DNA2: variants seen among roughly 807,000 people sequenced by gnomAD.
The protein encoded by DNA2 is DNA replication helicase/nuclease 2, also known as DNA replication ATP-dependent helicase/nuclease DNA2.
A neutral mutation model predicts 119.1 loss-of-function variants in DNA2; 101 were observed. The ratio of observed to expected loss-of-function variants is 0.85; its 90% CI spans 0.72 to 1.00. DNA2 has a LOEUF of 1.00. Among genes scored for constraint, DNA2 ranks in the 50% least tolerant of loss-of-function variants. The pLI is 0.00. For synonymous variants in DNA2, 366 were observed against 424.4 expected, an observed-to-expected ratio of 0.86 and a Z score of 1.69; for missense variants, 1,121 against 1,255.5, an observed-to-expected ratio of 0.89 and a Z score of 1.62.
intron 14 of DNA2, among the ~76,000 whole-genome samples, chr10:68,427,861 G>A (rs1327669160): frequency 2.6e-5 from 4 of 151,708 alleles, no homozygotes; most frequent in Non-Finnish European, 5.9e-5. Flanking sequence ...GTGAAACCTC[G>A]TCACTACTAA....
chr10:68,437,345 T>G, intron 9 of DNA2, 104 bp from the exon 10 acceptor site: 1 of 1,010,446 alleles, frequency 9.9e-7, no homozygotes, highest in Non-Finnish European at 1.4e-6. Context: ...TCCTAAAAAT[T>G]ATTATTGAGG....
rs981583847 is a variant in DNA2, at chr10:68,414,106, A to G, written c.*933T>C. 1 of 151,028 alleles carries G rather than the reference A, an allele frequency of 6.6e-6. No homozygotes were observed. The highest frequency in any genetic ancestry group is 2.2e-4 in the South Asian group (1 of 4,610). 9.4% of individuals were successfully genotyped at this position (151,028 alleles called of 1,614,324 possible). ...TTTATTAAATAAAAAACTTCAAGTA[A>G]TAATTTAAAAAAACACATGAGGTAG... On this transcript the variant is annotated 3_prime_UTR_variant, in exon 21 of 21. Coordinates refer to ENST00000358410, the MANE Select transcript of DNA2 (RefSeq NM_001080449.3).
rs200190055 is a variant in DNA2 at position 68,421,819 on chromosome 10, T to TC, written c.2697+405_2697+406insG. On this transcript the variant is annotated intron_variant, in intron 17 of 20. Transcript: ENST00000358410. ...ATGAGAAGTACATTAGTTTTGCCTT[T>TC]TTTTTTCCCCCCAAGATGGGAGTCT... is the stretch of plus-strand genomic sequence containing the variant. 9.3e-3 allele frequency among the ~76,000 whole-genome samples: 1,298 copies of TC among 138,954 alleles called. 24 individuals carry two copies. The highest frequency in any genetic ancestry group is 0.037 in the African/African-American group (1,250 of 33,660). 91.2% of individuals were successfully genotyped at this position (138,954 alleles called of 152,430 possible). A position where few individuals can be genotyped will look rare whatever the true frequency, so the allele number is the denominator to read the frequency against.
chr10:68,460,030 T>TACAAACACACACACACACACACAC (rs1554909244), intron 4 of DNA2, among the ~76,000 whole-genome samples: 1 of 145,602 alleles, frequency 6.9e-6, no homozygotes, highest in African/African-American at 2.5e-5. Context: ...CCATCACAAA[T>TACAAACACACACACACACACACAC]ACACACACAC....
chr10:68,425,098 T>TC (rs1211936696), intron 14 of DNA2: 1 of 295,518 alleles, frequency 3.4e-6, no homozygotes, highest in East Asian at 8.5e-5. Flanking sequence ...CTTTTTTTTT[T>TC]TTTTTTTTTT....
intron 5 of DNA2, among the ~76,000 whole-genome samples, chr10:68,457,061 G>C (rs567383860): frequency 9.2e-5 from 14 of 151,690 alleles, no homozygotes; most frequent in Middle Eastern, 3.4e-3. Context: ...GTGAACCCGG[G>C]AGGCGGAGGT....
At chr10:68,441,591 G>A (rs1271400798) in intron 9 of DNA2, among the ~76,000 whole-genome samples, 2 of 152,020 alleles carry the variant, frequency 1.3e-5, no homozygotes, top group Non-Finnish European at 2.9e-5. Flanking sequence ...GCCTGGCCAA[G>A]ATGGTGAAAC....
At chr10:68,439,693 CT>C in intron 9 of DNA2, among the ~76,000 whole-genome samples, 1 of 152,026 alleles carries the variant, frequency 6.6e-6, no homozygotes. Flanking sequence ...CAAAATTAGC[CT>C]GGCGTGGTGG....
intron 5 of DNA2, among the ~76,000 whole-genome samples, chr10:68,456,750 A>T (rs1002772868): frequency 6.6e-6 from 1 of 151,980 alleles, no homozygotes; most frequent in African/African-American, 2.4e-5. Context: ...AAATGTTATA[A>T]AATATTGAAA....
intron 1 of DNA2, among the ~76,000 whole-genome samples, 155 bp downstream of exon 1, chr10:68,471,636 G>T (rs981397244): frequency 6.6e-6 from 1 of 152,182 alleles, no homozygotes; most frequent in Admixed American, 6.5e-5. Context: ...TGGGAGGCAG[G>T]CCCCGACTCC....
intron 9 of DNA2, among the ~76,000 whole-genome samples, chr10:68,439,770 G>A (rs1564885921): frequency 6.6e-6 from 1 of 151,744 alleles, no homozygotes; most frequent in African/African-American, 2.4e-5. Context: ...TTCAGGAAGA[G>A]GAGGTTTCAG....
In DNA2 at chr10:68,442,958, TTTA is replaced by T; in HGVS notation, c.1371_1373del (p.Asn457del). 10 of 1,612,968 alleles carry T rather than the reference TTTA, an allele frequency of 6.2e-6. No homozygotes were observed. The highest frequency in any genetic ancestry group is 8.5e-6 in the Non-Finnish European group (10 of 1,179,588). On this transcript the variant is annotated inframe_deletion, in exon 9 of 21. Coordinates refer to ENST00000358410, the MANE Select transcript of DNA2 (RefSeq NM_001080449.3). ...TTAGCCAGATATTTTGGTGATTCTTTTTATTATCCTTCGATTGTGACTCCAGGG... is the reference window on the plus strand; with the variant it reads ...TTAGCCAGATATTTTGGTGATTCTTTTTATCCTTCGATTGTGACTCCAGGG...
intron 3 of DNA2, among the ~76,000 whole-genome samples, chr10:68,467,300 T>C (rs754306020): frequency 4.6e-5 from 7 of 151,944 alleles, no homozygotes; most frequent in Non-Finnish European, 1.0e-4. Context: ...TAGTAGAGAC[T>C]GGTTTTCATC....
intron 20 of DNA2, among the ~76,000 whole-genome samples, chr10:68,415,631 A>G (rs543570344): frequency 3.9e-5 from 6 of 152,082 alleles, no homozygotes; most frequent in Non-Finnish European, 5.9e-5. Flanking sequence ...TGAAGTTCTT[A>G]TGAAGCCTAA....
chr10:68,421,885 G>C (rs973574616), intron 17 of DNA2, among the ~76,000 whole-genome samples: 1 of 151,976 alleles, frequency 6.6e-6, no homozygotes. Flanking sequence ...TGTGATCTCA[G>C]CTCACTGTAA....
chr10:68,420,870 G>A (rs1479889456), intron 17 of DNA2, among the ~76,000 whole-genome samples: 1 of 152,068 alleles, frequency 6.6e-6, no homozygotes, highest in Non-Finnish European at 1.5e-5. Context: ...ATGTGGGGGA[G>A]GGAGGTTATG....
At position 68,442,547 on chromosome 10, in the gene DNA2, C is replaced by T. The variant is rs868565692; in HGVS notation, c.1415+370G>A. 7.0e-4 allele frequency among the ~76,000 whole-genome samples: 106 copies of T among 151,950 alleles called. No homozygotes were observed. The Middle Eastern group carries it at 0.021, about 29-fold the overall frequency. On this transcript the variant is annotated intron_variant, in intron 9 of 20. Coordinates refer to ENST00000358410, the MANE Select transcript of DNA2 (RefSeq NM_001080449.3). Reference sequence around the variant, plus strand: ...GATTACAGGCACCCGCCACCACGCCCAGCTAATTTTTGTATTTTTAGTAAA... The same window carrying T: ...GATTACAGGCACCCGCCACCACGCCTAGCTAATTTTTGTATTTTTAGTAAA...
At position 68,445,041 on chromosome 10, in the gene DNA2, T is replaced by C. The variant is rs2052019662; in HGVS notation, c.1100A>G (p.His367Arg). 2.5e-6 allele frequency: 4 copies of C among 1,610,762 alleles called. No homozygotes were observed. ...TCTAGTAGCAGATTTGCTAATACGGTGAAACAATGAGAATGCCATCTGGTT... is the reference window on the plus strand; with the variant it reads ...TCTAGTAGCAGATTTGCTAATACGGCGAAACAATGAGAATGCCATCTGGTT... ...LRNQMAFSLF[H>R]RISKSATRQK... Residue 367 changes from histidine to arginine, a missense_variant, in exon 8 of 21, where the codon CAC (histidine) becomes CGC (arginine). His to Arg is a conservative substitution (Grantham distance 29). Coordinates refer to ENST00000358410, the MANE Select transcript of DNA2 (RefSeq NM_001080449.3).
At chr10:68,421,119 T>G (rs1228754088) in intron 17 of DNA2, among the ~76,000 whole-genome samples, 1 of 151,974 alleles carries the variant, frequency 6.6e-6, no homozygotes, top group Non-Finnish European at 1.5e-5. Flanking sequence ...GCATTTTTAG[T>G]AGAGACAGGG....
Sources: gnomAD v4.1 joint callset for allele counts (sites outside exome capture counted in the v4.1 genomes callset) on GRCh38, gnomAD v4.1.1 for gene constraint, MANE v1.5 for transcripts, NCBI Gene and HGNC (gene_info 2026-07-23, HGNC 2026-07-21) for gene names.